Variants in FSD2 observed in about 807,000 individuals in gnomAD.
FSD2 encodes the protein fibronectin type III and SPRY domain-containing protein 2.
Under a neutral mutation model 80.4 loss-of-function variants are expected in FSD2, and 71 were observed. The observed-to-expected ratio is 0.88, with a 90% confidence interval of 0.73 to 1.08. FSD2 has a LOEUF of 1.08. FSD2 is among the 50% of genes least tolerant of loss of function. FSD2 has a pLI of 0.00. For missense variants in FSD2, 923 were observed against 913.8 expected (o/e 1.01, Z -0.13); for synonymous variants, 361 against 329.5 (o/e 1.10, Z -1.03).
chr15:82,795,845 G>T (rs1487144814), intron 1 of FSD2, among the ~76,000 whole-genome samples: 1 of 148,378 alleles, frequency 6.7e-6, no homozygotes, highest in African/African-American at 2.5e-5. Flanking sequence ...AAAAAAAAAA[G>T]TATTAGATGA....
chr15:82,762,267 A>G lies in FSD2; in HGVS notation c.1832T>C (p.Val611Ala), dbSNP rs185081925. ...TCGGACTGGAATTAGATTTCCCATG[A>G]CAGCAACACACCTGGTTTTAGAAAG... ...SDTHFTRCVA[V>A]MGNLIPVRGH... is the part of the protein sequence containing the mutation. The change falls in exon 12 of 13, where the codon GTC becomes GCC. Residue 611 changes from valine to alanine, a missense_variant. Val to Ala is a moderately conservative substitution (Grantham distance 64). Transcript: ENST00000334574. 1.1e-5 allele frequency: 17 copies of G among 1,613,684 alleles called. No individual in the cohort carries two copies. In the East Asian group the frequency reaches 3.1e-4, roughly 30 times the overall value.
In FSD2 at chr15:82,760,734, TGCAC is replaced by T. The variant is rs1201828116; in HGVS notation, c.1998-1138_1998-1135del. ...TGTAACGTGTGTGCACGTGTGTGCG[TGCAC>T]GCACACACACACACACACACACCCT... On this transcript the variant is annotated intron_variant, in intron 12 of 12. Coordinates refer to ENST00000334574, the MANE Select transcript of FSD2 (RefSeq NM_001007122.4). 8.6e-5 allele frequency among the ~76,000 whole-genome samples: 6 copies of T among 69,846 alleles called. No individual in the cohort carries two copies. In the East Asian group the frequency reaches 2.3e-3, roughly 27 times the overall value. 45.8% of individuals were successfully genotyped at this position (69,846 alleles called of 152,430 possible).
At chr15:82,784,077 GAACAC>G (rs980509049) in intron 3 of FSD2, among the ~76,000 whole-genome samples, 24 of 152,174 alleles carry the variant, frequency 1.6e-4, no homozygotes, top group Middle Eastern at 3.4e-3. Flanking sequence ...AGTAATTACT[GAACAC>G]CTGCTATGTG....
In FSD2 at chr15:82,782,864, T is replaced by C. The variant is rs772214301; in HGVS notation, c.897A>G (p.Leu299=). Reference sequence around the variant, plus strand: ...TTTCCATCAGTTCTTTGCAAGTATCTAGGTTTTCTCCACAGCTGACCAGTT... The same window carrying C: ...TTTCCATCAGTTCTTTGCAAGTATCCAGGTTTTCTCCACAGCTGACCAGTT... ...YGQLVSCGEN[L]DTCKELMETI... The change falls in exon 4 of 13, where the codon CTA becomes CTG. Residue 299 remains leucine, a synonymous_variant. Coordinates refer to ENST00000334574, the MANE Select transcript of FSD2 (RefSeq NM_001007122.4). The C allele has an allele frequency of 6.2e-7, 1 of 1,613,922 alleles. No homozygotes were observed. The highest frequency in any genetic ancestry group is 8.5e-7 in the Non-Finnish European group (1 of 1,179,896).
chr15:82,792,427 C>T (rs1353189890), intron 1 of FSD2, among the ~76,000 whole-genome samples: 4 of 152,150 alleles, frequency 2.6e-5, no homozygotes. Flanking sequence ...TGAAGAAATG[C>T]CTCTCCAAAT....
In FSD2 at chr15:82,787,157, A is replaced by G; in HGVS notation, c.234T>C (p.Tyr78=). 6.2e-7 allele frequency: 1 copy of G among 1,614,018 alleles called. No individual in the cohort carries two copies. Among genetic ancestry groups the G allele is most frequent in the Non-Finnish European group, 8.5e-7 (1 of 1,179,900 alleles). Reference sequence around the variant, plus strand: ...CTAATTCATGATCATCTTCAAGTCCATATAAGTGGACAAGTTCATCCACTT... The same window carrying G: ...CTAATTCATGATCATCTTCAAGTCCGTATAAGTGGACAAGTTCATCCACTT... ...QEEVDELVHL[Y]GLEDDHELGD... is the part of the protein sequence containing the mutation. The change falls in exon 2 of 13, where the codon TAT becomes TAC. Residue 78 remains tyrosine (Y), a synonymous_variant. Coordinates refer to ENST00000334574, the MANE Select transcript of FSD2 (RefSeq NM_001007122.4).
chr15:82,798,943 T>TCTCAGC (rs2050346775), intron 1 of FSD2, among the ~76,000 whole-genome samples: 1 of 134,622 alleles, frequency 7.4e-6, no homozygotes, highest in Non-Finnish European at 1.5e-5. Flanking sequence ...AGTGGTGAAA[T>TCTCAGC]CTCAGCTCAC....
chr15:82,786,471 A>C, intron 3 of FSD2, 40 bp downstream of exon 3: 1 of 1,447,788 alleles, frequency 6.9e-7, no homozygotes, highest in African/African-American at 1.4e-5. Context: ...CATTGATGGA[A>C]GAAATGTGAG....
intron 9 of FSD2, among the ~76,000 whole-genome samples, chr15:82,767,915 A>G (rs1022410649): frequency 6.6e-6 from 1 of 152,206 alleles, no homozygotes; most frequent in African/African-American, 2.4e-5. Context: ...TGTGTTCCAC[A>G]GCAGGGGAGC....
At chr15:82,800,398 AG>A (rs1241438417) in intron 1 of FSD2, among the ~76,000 whole-genome samples, 1 of 152,108 alleles carries the variant, frequency 6.6e-6, no homozygotes, top group African/African-American at 2.4e-5. Context: ...AAATGATAAA[AG>A]CCCCTCAGTC....
At chr15:82,761,620 A>G (rs908138374) in intron 12 of FSD2, among the ~76,000 whole-genome samples, 5 of 151,870 alleles carry the variant, frequency 3.3e-5, no homozygotes. Flanking sequence ...TGGATTATCT[A>G]ATTGCTGTGA....
chr15:82,800,015 C>T (rs545180601), intron 1 of FSD2, among the ~76,000 whole-genome samples: 1 of 152,250 alleles, frequency 6.6e-6, no homozygotes, highest in South Asian at 2.1e-4. Flanking sequence ...CCTCTGCCCT[C>T]CCTGGACATT....
intron 3 of FSD2, 87 bp from the exon 4 acceptor site, chr15:82,783,112 T>C (rs1304837087): frequency 6.1e-6 from 6 of 983,560 alleles, no homozygotes; most frequent in Non-Finnish European, 9.2e-6. Context: ...TGTTTGTTTG[T>C]TTTTGAGACA....
chr15:82,801,900 C>T (rs1180192815), intron 1 of FSD2, among the ~76,000 whole-genome samples: 1 of 152,250 alleles, frequency 6.6e-6, no homozygotes, highest in South Asian at 2.1e-4. Context: ...AGGATCAGGT[C>T]CACCCCTAGA....
chr15:82,777,973 C>T (rs35989107), intron 6 of FSD2, among the ~76,000 whole-genome samples: 20,864 of 149,482 alleles, frequency 0.14, 1,908 homozygotes, highest in South Asian at 0.33. Context: ...AGTGGTTCCA[C>T]AAAAAATTAA....
chr15:82,766,132 G>A lies in FSD2; in HGVS notation c.1554-101C>T, dbSNP rs1457569481. 1.2e-5 allele frequency: 16 copies of A among 1,318,336 alleles called. No individual in the cohort carries two copies. In the African/African-American group the frequency reaches 1.8e-4, roughly 15 times the overall value. 81.7% of individuals were successfully genotyped at this position (1,318,336 alleles called of 1,614,324 possible). On this transcript the variant is annotated intron_variant, in intron 9 of 12. Coordinates refer to ENST00000334574, the MANE Select transcript of FSD2 (RefSeq NM_001007122.4). ...GCTGGAAGGTTTAACTCACTCTTGC[G>A]CTCCTGTCCTCTGACCCACATTTAA...
At position 82,768,967 on chromosome 15, in the gene FSD2, C is replaced by A. The variant is rs773296537; in HGVS notation, c.1466G>T (p.Cys489Phe). The A allele has an allele frequency of 5.6e-6, 9 of 1,607,158 alleles. No individual in the cohort carries two copies. The highest frequency in any genetic ancestry group is 5.6e-5 in the South Asian group (5 of 89,340). ...AGGATTCAGGTTCCCAGACTCCCAG[C>A]AAATCAGCACAGCCTCTTCACAGCT... is the stretch of plus-strand genomic sequence containing the variant. ...IRSCEEAVLICWESGNLNPVD... is the reference protein window; with the variant it reads ...IRSCEEAVLIFWESGNLNPVD... The change falls in exon 9 of 13, where the codon TGC (cysteine) becomes TTC (phenylalanine). Residue 489 changes from cysteine to phenylalanine, a missense_variant. By Grantham distance (205) the Cys-to-Phe change is radical. Coordinates refer to ENST00000334574, the MANE Select transcript of FSD2 (RefSeq NM_001007122.4).
intron 1 of FSD2, among the ~76,000 whole-genome samples, chr15:82,799,638 C>T (rs2050363293): frequency 6.6e-6 from 1 of 152,208 alleles, no homozygotes; most frequent in African/African-American, 2.4e-5. Context: ...TTCCCCAACT[C>T]ACCATGTGGT....
chr15:82,804,618 G>A (rs1255034300), intron 1 of FSD2, among the ~76,000 whole-genome samples: 1 of 152,124 alleles, frequency 6.6e-6, no homozygotes, highest in African/African-American at 2.4e-5. Context: ...ACATTCCCAT[G>A]TGCTACCCAA....
Sources: allele counts gnomAD v4.1 joint callset (sites outside exome capture counted in the v4.1 genomes callset), GRCh38; gene constraint gnomAD v4.1.1; transcripts MANE v1.5; gene names NCBI Gene and HGNC (gene_info 2026-07-23, HGNC 2026-07-21).